GRIK4: variants seen among roughly 807,000 people sequenced by gnomAD.
GRIK4 encodes the protein glutamate ionotropic receptor kainate type subunit 4, also known as glutamate receptor ionotropic, kainate 4.
Under a neutral mutation model 104.9 loss-of-function variants are expected in GRIK4, and 40 were observed. That is an observed-to-expected ratio of 0.38 (90% CI 0.30 to 0.50). The LOEUF (loss-of-function observed/expected upper bound fraction) is 0.50. GRIK4 is among the 20% of genes least tolerant of loss of function. The pLI is 0.93. For missense variants in GRIK4, 1,047 were observed against 1,308.1 expected, an observed-to-expected ratio of 0.80 and a Z score of 3.08; for synonymous variants, 485 against 524.9, an observed-to-expected ratio of 0.92 and a Z score of 1.04.
intron 2 of GRIK4, among the ~76,000 whole-genome samples, chr11:120,656,143 G>A (rs1035135294): frequency 1.3e-5 from 2 of 152,190 alleles, no homozygotes; most frequent in Non-Finnish European, 1.5e-5. Context: ...GCATTATTAG[G>A]TCCTAAGACT....
At chr11:120,686,387 T>C (rs1477560685) in intron 3 of GRIK4, among the ~76,000 whole-genome samples, 4 of 152,246 alleles carry the variant, frequency 2.6e-5, no homozygotes, top group Admixed American at 6.5e-5. Context: ...GTGCCACTTA[T>C]AGTACCTAAA....
At chr11:120,539,050 G>A (rs1948006063) in intron 1 of GRIK4, among the ~76,000 whole-genome samples, 1 of 152,252 alleles carries the variant, frequency 6.6e-6, no homozygotes, top group Non-Finnish European at 1.5e-5. Context: ...CACCTCCAAA[G>A]CAAGTGAGAG....
At chr11:120,886,374 C>T (rs969902886) in intron 11 of GRIK4, among the ~76,000 whole-genome samples, 26 of 152,312 alleles carry the variant, frequency 1.7e-4, no homozygotes, top group African/African-American at 5.8e-4. Flanking sequence ...AGTGCTATCT[C>T]GTGTTCCTAC....
intron 13 of GRIK4, among the ~76,000 whole-genome samples, chr11:120,930,011 G>T (rs988075331): frequency 1.3e-5 from 2 of 152,032 alleles, no homozygotes; most frequent in Admixed American, 6.5e-5. Flanking sequence ...TTGGGGGGGG[G>T]GTCCCCTCCT....
At chr11:120,878,520 A>C (rs968315076) in intron 11 of GRIK4, among the ~76,000 whole-genome samples, 1 of 152,078 alleles carries the variant, frequency 6.6e-6, no homozygotes, top group Non-Finnish European at 1.5e-5. Flanking sequence ...AGTGACCATT[A>C]AAGAGGATGT....
At chr11:120,887,546 G>T (rs1386990002) in intron 11 of GRIK4, among the ~76,000 whole-genome samples, 1 of 152,280 alleles carries the variant, frequency 6.6e-6, no homozygotes, top group Non-Finnish European at 1.5e-5. Flanking sequence ...GAAATGACTT[G>T]CCCAAAAGAA....
intron 3 of GRIK4, among the ~76,000 whole-genome samples, chr11:120,727,206 T>A (rs1951044650): frequency 6.6e-6 from 1 of 152,190 alleles, no homozygotes; most frequent in Non-Finnish European, 1.5e-5. Context: ...GAGAGCAGCC[T>A]CGTTCCTGCA....
intron 3 of GRIK4, among the ~76,000 whole-genome samples, chr11:120,713,277 T>G (rs929941243): frequency 6.6e-6 from 1 of 151,954 alleles, no homozygotes; most frequent in Admixed American, 6.5e-5. Context: ...TGTTCATTGG[T>G]TGTTTGGATT....
At chr11:120,526,547 T>C (rs1947859429) in intron 1 of GRIK4, among the ~76,000 whole-genome samples, 1 of 152,186 alleles carries the variant, frequency 6.6e-6, no homozygotes, top group Admixed American at 6.5e-5. Context: ...AAAGTTTGTT[T>C]TTAGGCCGGG....
At chr11:120,588,055 G>T (rs1021085136) in intron 1 of GRIK4, among the ~76,000 whole-genome samples, 8 of 152,210 alleles carry the variant, frequency 5.3e-5, no homozygotes, top group Non-Finnish European at 1.2e-4. Context: ...ACTGTGAGCT[G>T]TGACACACTG....
chr11:120,682,907 C>T (rs867873709), intron 3 of GRIK4, among the ~76,000 whole-genome samples: 3 of 151,944 alleles, frequency 2.0e-5, no homozygotes, highest in South Asian at 4.2e-4. Context: ...GCTTTTGTTC[C>T]AAGTGTCTGC....
At chr11:120,728,393 C>G (rs1242347581) in intron 3 of GRIK4, among the ~76,000 whole-genome samples, 1 of 152,056 alleles carries the variant, frequency 6.6e-6, no homozygotes, top group East Asian at 1.9e-4. Flanking sequence ...GAATATTGTT[C>G]CCAAGAGCCC....
chr11:120,695,527 C>G (rs561036876), intron 3 of GRIK4, among the ~76,000 whole-genome samples: 1 of 152,248 alleles, frequency 6.6e-6, no homozygotes, highest in Non-Finnish European at 1.5e-5. Context: ...GCCAAGGACA[C>G]TTGAGGCCAC....
chr11:120,570,303 C>T (rs1401883044), intron 1 of GRIK4, among the ~76,000 whole-genome samples: 4 of 152,182 alleles, frequency 2.6e-5, no homozygotes, highest in Admixed American at 1.3e-4. Context: ...ATTTCTCTGT[C>T]CCACCCTTCC....
At chr11:120,656,930 G>A (rs374691513) in intron 2 of GRIK4, among the ~76,000 whole-genome samples, 29 of 152,278 alleles carry the variant, frequency 1.9e-4, no homozygotes, top group African/African-American at 5.5e-4. Flanking sequence ...AGGCCTGCAC[G>A]AACTGCGTGT....
At chr11:120,753,505 G>A (rs889731440) in intron 3 of GRIK4, among the ~76,000 whole-genome samples, 3 of 152,090 alleles carry the variant, frequency 2.0e-5, no homozygotes, top group African/African-American at 4.8e-5. Context: ...GGGATCATGC[G>A]TATCCCAACA....
chr11:120,538,337 C>A (rs1275362431), intron 1 of GRIK4, among the ~76,000 whole-genome samples: 1 of 152,140 alleles, frequency 6.6e-6, no homozygotes, highest in Non-Finnish European at 1.5e-5. Flanking sequence ...TGGGGAACTT[C>A]AGGGAACTCA....
At chr11:120,663,139 G>T (rs1387901858) in intron 3 of GRIK4, among the ~76,000 whole-genome samples, 3 of 152,146 alleles carry the variant, frequency 2.0e-5, no homozygotes, top group Non-Finnish European at 4.4e-5. Flanking sequence ...CAGTCCCTCT[G>T]GGTCCTCTGA....
chr11:120,654,760 T>C (rs1949675996), intron 2 of GRIK4, among the ~76,000 whole-genome samples: 1 of 152,174 alleles, frequency 6.6e-6, no homozygotes, highest in African/African-American at 2.4e-5. Context: ...AACATCCCCA[T>C]ATTACGAATG....
Sources: allele counts gnomAD v4.1 joint callset (sites outside exome capture counted in the v4.1 genomes callset), GRCh38; gene constraint gnomAD v4.1.1; transcripts MANE v1.5; gene names NCBI Gene and HGNC (gene_info 2026-07-23, HGNC 2026-07-21).